Variants in HERC2 observed in about 807,000 individuals in gnomAD.
HERC2 encodes the protein HECT and RLD domain containing E3 ubiquitin protein ligase 2.
A neutral mutation model predicts 537.7 loss-of-function variants in HERC2; 102 were observed. That is an observed-to-expected ratio of 0.19 (90% CI 0.16 to 0.22). The LOEUF (loss-of-function observed/expected upper bound fraction) is 0.22, where lower values mean the gene tolerates loss of function less well. Among genes scored for constraint, HERC2 ranks in the 10% least tolerant of loss-of-function variants. HERC2 has a pLI of 1.00. For synonymous variants in HERC2, 2,224 were observed against 2,466.2 expected (o/e 0.90, Z 2.91); for missense variants, 4,236 against 6,198.2 (o/e 0.68, Z 10.63).
chr15:28,149,848 C>T (rs897953583), intron 70 of HERC2, among the ~76,000 whole-genome samples: 3 of 151,888 alleles, frequency 2.0e-5, no homozygotes, highest in Non-Finnish European at 4.4e-5. Context: ...AACAGCCACA[C>T]GAACGCACAT....
At chr15:28,191,096 T>A (rs1896815711) in intron 54 of HERC2, 40 bp from the exon 55 acceptor site, 1 of 1,594,580 alleles carries the variant, frequency 6.3e-7, no homozygotes, top group East Asian at 2.2e-5. Flanking sequence ...AAGGCGTCTT[T>A]ATTATAGAAG....
chr15:28,269,724 A>G (rs1051302539), intron 10 of HERC2, among the ~76,000 whole-genome samples: 2 of 152,314 alleles, frequency 1.3e-5, no homozygotes, highest in South Asian at 2.1e-4. Flanking sequence ...TGCTCAAACT[A>G]TATCAGGGTC....
intron 38 of HERC2, among the ~76,000 whole-genome samples, chr15:28,218,282 C>T (rs1900145107): frequency 6.6e-6 from 1 of 152,078 alleles, no homozygotes; most frequent in South Asian, 2.1e-4. Context: ...CCCTCACAGC[C>T]CCAGAAGGAA....
At chr15:28,192,730 C>T (rs560118548) in intron 52 of HERC2, among the ~76,000 whole-genome samples, 1 of 152,318 alleles carries the variant, frequency 6.6e-6, no homozygotes, top group South Asian at 2.1e-4. Flanking sequence ...CTGCTGTTCC[C>T]TGATGGCATC....
intron 23 of HERC2, among the ~76,000 whole-genome samples, chr15:28,243,897 G>A (rs139202561): frequency 7.4e-4 from 113 of 152,288 alleles, no homozygotes; most frequent in African/African-American, 2.6e-3. Context: ...ATGTAAGAAT[G>A]TTAACGTATT....
At chr15:28,214,612 G>C (rs776190031) in intron 40 of HERC2, 43 bp downstream of exon 40, 13 of 1,593,818 alleles carry the variant, frequency 8.2e-6, no homozygotes, top group Non-Finnish European at 1.1e-5. Context: ...ACGGCACTGC[G>C]CCGCTCTTCA....
rs1377736079 is a variant in HERC2, at chr15:28,298,469, A to C, written c.187+933T>G. On this transcript the variant is annotated intron_variant, in intron 3 of 92. Transcript: ENST00000261609. ...CACGCCCGATCCCCATGTACTTTCA[A>C]GTGGACACCATCCCCATTCATTCCA... 8 of 151,558 alleles carry C rather than the reference A, an allele frequency of 5.3e-5. 1 individual carries two copies. The highest frequency in any genetic ancestry group is 3.3e-4 in the Admixed American group (5 of 15,192). 9.4% of individuals were successfully genotyped at this position (151,558 alleles called of 1,614,324 possible).
chr15:28,179,095 G>A (rs763322443), intron 58 of HERC2, 47 bp downstream of exon 58: 41 of 1,595,926 alleles, frequency 2.6e-5, no homozygotes, highest in Non-Finnish European at 3.5e-5. Context: ...TTTGTTTTTT[G>A]GTGCCAAGCA....
In HERC2 at chr15:28,114,503, C is replaced by A. The variant is rs561255630; in HGVS notation, c.13913+109G>T. On this transcript the variant is annotated intron_variant, in intron 90 of 92. Transcript: ENST00000261609. Reference sequence around the variant, plus strand: ...AGATCAGCAATAGTTGGAGCCAAATCCATTACTTTACTGTGTATGACACTC... The same window carrying A: ...AGATCAGCAATAGTTGGAGCCAAATACATTACTTTACTGTGTATGACACTC... 1.3e-5 allele frequency: 12 copies of A among 941,068 alleles called. No individual in the cohort carries two copies. In the East Asian group the frequency reaches 3.0e-4, roughly 23 times the overall value. The allele number at this position is 941,068 out of a possible 1,614,324, so 58.3% of individuals were successfully genotyped here.
chr15:28,287,920 T>A (rs1433488391), intron 4 of HERC2, among the ~76,000 whole-genome samples: 1 of 151,968 alleles, frequency 6.6e-6, no homozygotes, highest in Non-Finnish European at 1.5e-5. Context: ...GAGACGCTGT[T>A]TCACCGTGTT....
At chr15:28,289,958 C>A (rs1596401392) in intron 4 of HERC2, among the ~76,000 whole-genome samples, 2 of 150,994 alleles carry the variant, frequency 1.3e-5, no homozygotes, top group South Asian at 2.1e-4. Flanking sequence ...GGACCACACA[C>A]CTCAGTGAGA....
intron 70 of HERC2, among the ~76,000 whole-genome samples, chr15:28,150,295 G>A (rs1281441818): frequency 4.1e-5 from 6 of 145,902 alleles, no homozygotes; most frequent in Non-Finnish European, 7.5e-5. Flanking sequence ...CACTGAGGAC[G>A]GCCACACGAA....
intron 20 of HERC2, among the ~76,000 whole-genome samples, chr15:28,252,568 C>A (rs1388515250): frequency 6.6e-6 from 1 of 152,144 alleles, no homozygotes; most frequent in Admixed American, 6.6e-5. Context: ...GTAAACACGG[C>A]TTTTATTCTT....
chr15:28,225,438 C>T (rs1901024404), intron 35 of HERC2, among the ~76,000 whole-genome samples: 1 of 151,984 alleles, frequency 6.6e-6, no homozygotes, highest in Non-Finnish European at 1.5e-5. Flanking sequence ...TGGCTCACGC[C>T]TGTAATCCCA....
At chr15:28,127,069 T>C (rs2142125365) in intron 83 of HERC2, among the ~76,000 whole-genome samples, 1 of 152,264 alleles carries the variant, frequency 6.6e-6, no homozygotes, top group Admixed American at 6.5e-5. Context: ...GGAGACACCA[T>C]CAGGATTGTC....
rs756223210 is a variant in HERC2 at position 28,116,882 on chromosome 15, C to G, written c.13415-23G>C. On this transcript the variant is annotated intron_variant, in intron 87 of 92. Coordinates refer to ENST00000261609, the MANE Select transcript of HERC2 (RefSeq NM_004667.6). Reference sequence around the variant, plus strand: ...CACCTGCAGGGGAGAAGCAGCCACTCGAAGTCCCCTCACACAGTCCTGTGT... The same window carrying G: ...CACCTGCAGGGGAGAAGCAGCCACTGGAAGTCCCCTCACACAGTCCTGTGT... 5 of 1,607,440 alleles carry G rather than the reference C, an allele frequency of 3.1e-6. No homozygotes were observed. In the African/African-American group the frequency reaches 6.7e-5, roughly 21 times the overall value.
rs148005149 is a variant in HERC2, at chr15:28,280,073, T to A, written c.537A>T (p.Lys179Asn). The A allele has an allele frequency of 1.2e-6, 2 of 1,610,622 alleles. No individual in the cohort carries two copies. Among genetic ancestry groups the A allele is most frequent in the Non-Finnish European group, 1.7e-6 (2 of 1,178,330 alleles). ...TTTCTTCGCTTTATTGTTACCTTTT[T>A]TTGTCCACAGGAGGCAGAGAAATAC... The part of the protein sequence containing the change: ...SSGISLPPVD[K>N]KSSRPAGKGV... Residue 179 changes from lysine to asparagine, a missense_variant, in exon 5 of 93, where the codon AAA becomes AAT. By Grantham distance (94) the Lys-to-Asn change is moderately conservative. Coordinates refer to ENST00000261609, the MANE Select transcript of HERC2 (RefSeq NM_004667.6).
At position 28,275,415 on chromosome 15, in the gene HERC2, C is replaced by T. The variant is rs181071196; in HGVS notation, c.543-410G>A. On this transcript the variant is annotated intron_variant, in intron 5 of 92. Transcript: ENST00000261609. ...CAGAGGGTAGCCTGGCTCGCCCCAGCTCCGGCGTCCTCCACTCGAGGTCTG... is the reference window on the plus strand; with the variant it reads ...CAGAGGGTAGCCTGGCTCGCCCCAGTTCCGGCGTCCTCCACTCGAGGTCTG... Among the ~76,000 whole-genome samples, 970 of 152,326 alleles carry T rather than the reference C, an allele frequency of 6.4e-3. 9 individuals carry two copies. The highest frequency in any genetic ancestry group is 0.022 in the African/African-American group (914 of 41,574).
intron 21 of HERC2, among the ~76,000 whole-genome samples, chr15:28,247,306 A>T (rs1050719371): frequency 1.3e-5 from 2 of 151,850 alleles, no homozygotes; most frequent in African/African-American, 2.4e-5. Context: ...CTAAATTTTT[A>T]AAATTTTATA....
Sources: allele counts gnomAD v4.1 joint callset (sites outside exome capture counted in the v4.1 genomes callset), GRCh38; gene constraint gnomAD v4.1.1; transcripts MANE v1.5; gene names NCBI Gene and HGNC (gene_info 2026-07-23, HGNC 2026-07-21).